Variants in SH2D4A observed in about 807,000 individuals in gnomAD.
The protein encoded by SH2D4A is SH2 domain containing 4A, also known as SH2 domain-containing protein 4A.
Under a neutral mutation model 64.7 loss-of-function variants are expected in SH2D4A, and 70 were observed. That is an observed-to-expected ratio of 1.08 (90% confidence interval 0.89 to 1.32). The LOEUF is 1.32. Ranked by LOEUF, SH2D4A falls within the 40% of genes most tolerant of loss-of-function variation. The pLI, the probability that SH2D4A is intolerant of heterozygous loss-of-function variation, is 0.00. For missense variants in SH2D4A, 706 were observed against 540.1 expected (o/e 1.31, Z -3.04); for synonymous variants, 268 against 200.7 (o/e 1.34, Z -2.83).
chr8:19,330,936 G>T (rs2052356903), intron 2 of SH2D4A, among the ~76,000 whole-genome samples: 1 of 152,206 alleles, frequency 6.6e-6, no homozygotes, highest in South Asian at 2.1e-4. Context: ...CAAAGAGCTT[G>T]CCAGGAGCTG....
chr8:19,333,113 A>C lies in SH2D4A; in HGVS notation c.340A>C (p.Arg114=), dbSNP rs1262618045. 2 of 1,605,890 alleles carry C rather than the reference A, an allele frequency of 1.2e-6. No homozygotes were observed. Among genetic ancestry groups the C allele is most frequent in the Non-Finnish European group, 1.7e-6 (2 of 1,177,952 alleles). ...LKAEQEAEEP[R]KTHSEEFTNS... ...AGCAGAACAGGAGGCAGAAGAGCCC[A>C]GGTATGAGATCTGCAAACCAACCAG... The change falls in exon 3 of 10, where the codon AGA becomes CGA. Residue 114 remains arginine, a splice_region_variant and synonymous_variant. Transcript: ENST00000265807.
intron 8 of SH2D4A, among the ~76,000 whole-genome samples, chr8:19,379,325 C>G (rs576584648): frequency 7.2e-5 from 11 of 152,270 alleles, no homozygotes; most frequent in African/African-American, 2.6e-4. Context: ...AAGATTTACT[C>G]ATGTTGTTGT....
rs376097149 is a variant in SH2D4A at position 19,348,091 on chromosome 8, G to A, written c.514-9112G>A. 2.0e-5 allele frequency among the ~76,000 whole-genome samples: 3 copies of A among 152,238 alleles called. No homozygotes were observed. In the South Asian group the frequency reaches 6.2e-4, roughly 32 times the overall value. ...AACTATGGTGGTTTTCAGTTTTTGT[G>A]TGCGTGTGTGTGTGTATTTTTAGAA... On this transcript the variant is annotated intron_variant, in intron 4 of 9. Transcript: ENST00000265807.
At chr8:19,364,304 T>C (rs2052950026) in intron 7 of SH2D4A, 22 bp downstream of exon 7, 1 of 1,612,226 alleles carries the variant, frequency 6.2e-7, no homozygotes, top group Non-Finnish European at 8.5e-7. Context: ...CACAGATGGG[T>C]TTATGCATAA....
intron 4 of SH2D4A, 23 bp downstream of exon 4, chr8:19,334,880 C>T (rs759922746): frequency 8.8e-5 from 138 of 1,571,894 alleles, no homozygotes; most frequent in East Asian, 2.0e-4. Flanking sequence ...TGTCTGTAGA[C>T]GTGCGGAATT....
intron 8 of SH2D4A, among the ~76,000 whole-genome samples, chr8:19,386,299 G>A (rs1021620560): frequency 6.6e-6 from 1 of 152,220 alleles, no homozygotes; most frequent in Non-Finnish European, 1.5e-5. Flanking sequence ...CATTAATTCG[G>A]ATTTGGGAAG....
chr8:19,336,092 T>G (rs1219568406), intron 4 of SH2D4A, among the ~76,000 whole-genome samples: 1 of 152,174 alleles, frequency 6.6e-6, no homozygotes, highest in Admixed American at 6.5e-5. Flanking sequence ...CAAAGCACAC[T>G]GCTGAGTGTC....
At chr8:19,372,813 A>G (rs943154422) in intron 7 of SH2D4A, among the ~76,000 whole-genome samples, 2 of 143,432 alleles carry the variant, frequency 1.4e-5, no homozygotes, top group African/African-American at 5.1e-5. Flanking sequence ...AACTTCAAAT[A>G]CTCTTCTTCC....
chr8:19,377,720 ATC>A (rs1012554222), intron 8 of SH2D4A, among the ~76,000 whole-genome samples: 7 of 152,040 alleles, frequency 4.6e-5, no homozygotes, highest in African/African-American at 1.7e-4. Context: ...ATCATTATTC[ATC>A]TCTCCTACAT....
At chr8:19,367,138 T>C (rs576253242) in intron 7 of SH2D4A, among the ~76,000 whole-genome samples, 1 of 152,292 alleles carries the variant, frequency 6.6e-6, no homozygotes, top group African/African-American at 2.4e-5. Context: ...CACCACATTT[T>C]CTTGATTGAT....
At chr8:19,317,765 T>C (rs769997691) in intron 1 of SH2D4A, among the ~76,000 whole-genome samples, 1 of 152,164 alleles carries the variant, frequency 6.6e-6, no homozygotes, top group East Asian at 1.9e-4. Context: ...GGTCATAATA[T>C]AGCTAAGTGA....
intron 8 of SH2D4A, among the ~76,000 whole-genome samples, chr8:19,389,748 C>T (rs1301114676): frequency 6.6e-6 from 1 of 152,194 alleles, no homozygotes; most frequent in African/African-American, 2.4e-5. Flanking sequence ...AACCCCATCT[C>T]TATGAAAATT....
In SH2D4A at chr8:19,394,631, C is replaced by T; in HGVS notation, c.1354C>T (p.Leu452=). 2 of 1,607,994 alleles carry T rather than the reference C, an allele frequency of 1.2e-6. No individual in the cohort carries two copies. Among genetic ancestry groups the T allele is most frequent in the African/African-American group, 1.3e-5 (1 of 74,916 alleles). ...GGACCAGCTGCCTGACTACCTGGAG[C>T]TGTTTGAGTGACAGCCTCCATCAGG... ...QQDQLPDYLE[L]FE The change falls in exon 10 of 10, where the codon CTG becomes TTG. Residue 452 remains leucine (L), a synonymous_variant. Transcript: ENST00000265807.
chr8:19,388,128 A>C (rs1563214302), intron 8 of SH2D4A, among the ~76,000 whole-genome samples: 1 of 152,178 alleles, frequency 6.6e-6, no homozygotes, highest in African/African-American at 2.4e-5. Flanking sequence ...GACTCATTTT[A>C]TTTTCGGCTC....
At chr8:19,373,723 C>A (rs1005065381) in intron 8 of SH2D4A, 63 bp downstream of exon 8, 22 of 1,509,684 alleles carry the variant, frequency 1.5e-5, no homozygotes, top group Non-Finnish European at 1.7e-5. Context: ...TGCTAATCTA[C>A]CAGGAAGCCA....
chr8:19,314,166 C>CGGG, intron 1 of SH2D4A: 2 of 977,034 alleles, frequency 2.0e-6, no homozygotes, highest in Non-Finnish European at 2.5e-6. Context: ...TGAGGACCTT[C>CGGG]GGGGAAGTTC....
chr8:19,348,832 G>A (rs1235018175), intron 4 of SH2D4A, among the ~76,000 whole-genome samples: 3 of 152,184 alleles, frequency 2.0e-5, no homozygotes, highest in Non-Finnish European at 4.4e-5. Context: ...AGTAGGCGGG[G>A]TTGAGAAGCC....
intron 4 of SH2D4A, among the ~76,000 whole-genome samples, chr8:19,353,674 G>GTTTTT (rs55989081): frequency 0.085 from 8,947 of 104,678 alleles, 438 homozygotes; most frequent in Middle Eastern, 0.11. Flanking sequence ...GCCTCTAGCT[G>GTTTTT]TTTTTTTTTT....
intron 4 of SH2D4A, among the ~76,000 whole-genome samples, chr8:19,353,070 G>A (rs767135327): frequency 6.6e-6 from 1 of 152,094 alleles, no homozygotes; most frequent in Non-Finnish European, 1.5e-5. Context: ...AAGGGATAAG[G>A]CCTATTTTGA....
Sources: allele counts gnomAD v4.1 joint callset (sites outside exome capture counted in the v4.1 genomes callset), GRCh38; gene constraint gnomAD v4.1.1; transcripts MANE v1.5; gene names NCBI Gene and HGNC (gene_info 2026-07-23, HGNC 2026-07-21).